Variants in KLF12 observed in about 807,000 individuals in gnomAD.
The protein encoded by KLF12 is Krueppel-like factor 12.
Under a neutral mutation model 37.8 loss-of-function variants are expected in KLF12, and 9 were observed. The observed-to-expected ratio is 0.24, with a 90% CI of 0.14 to 0.42. The LOEUF is 0.42. Ranked by LOEUF, KLF12 falls within the 10% of genes least tolerant of loss-of-function variation. The pLI is 1.00. For synonymous variants in KLF12, 208 were observed against 202.1 expected (o/e 1.03, Z -0.25); for missense variants, 411 against 516.0 (o/e 0.80, Z 1.97).
chr13:74,303,174 A>G, the KLF12 span, among the ~76,000 whole-genome samples: 1 of 152,048 alleles, frequency 6.6e-6, no homozygotes, highest in Non-Finnish European at 1.5e-5. Flanking sequence ...ATTCTTCAAG[A>G]CTTGATTTAA....
intron 2 of KLF12, among the ~76,000 whole-genome samples, chr13:73,977,170 T>C (rs1047351478): frequency 7.9e-5 from 12 of 151,626 alleles, no homozygotes; most frequent in African/African-American, 1.2e-4. Flanking sequence ...GCCTCCTGAA[T>C]AGCTGGGACT....
intron 6 of KLF12, among the ~76,000 whole-genome samples, chr13:73,727,381 AAAGG>A (rs1258158926): frequency 2.0e-5 from 3 of 152,178 alleles, no homozygotes; most frequent in Non-Finnish European, 4.4e-5. Flanking sequence ...ATGGTATAAG[AAAGG>A]AAGGAGTCCA....
At chr13:73,821,131 T>C (rs1435992506) in intron 4 of KLF12, among the ~76,000 whole-genome samples, 2 of 152,206 alleles carry the variant, frequency 1.3e-5, no homozygotes, top group African/African-American at 4.8e-5. Context: ...CTCTCTCTGG[T>C]TATCTATCCT....
At chr13:74,158,899 G>T in the KLF12 span, among the ~76,000 whole-genome samples, 3 of 152,220 alleles carry the variant, frequency 2.0e-5, no homozygotes, top group African/African-American at 7.2e-5. Context: ...CATCAATCAG[G>T]ATTTTAATTC....
At chr13:74,303,217 G>A in the KLF12 span, among the ~76,000 whole-genome samples, 1 of 152,098 alleles carries the variant, frequency 6.6e-6, no homozygotes, top group Non-Finnish European at 1.5e-5. Context: ...TATAGAAATG[G>A]TGCCTTTTTC....
the KLF12 span, among the ~76,000 whole-genome samples, chr13:74,143,300 T>A: frequency 6.6e-6 from 1 of 152,204 alleles, no homozygotes; most frequent in Admixed American, 6.5e-5. Context: ...TTTTATCCAG[T>A]TCACAAATTA....
At chr13:74,037,353 T>A (rs959564517) in intron 1 of KLF12, among the ~76,000 whole-genome samples, 19 of 152,160 alleles carry the variant, frequency 1.2e-4, no homozygotes, top group African/African-American at 4.6e-4. Flanking sequence ...CAACCCAGCC[T>A]GCAGTATGTC....
the KLF12 span, among the ~76,000 whole-genome samples, chr13:74,182,660 G>A: frequency 6.6e-6 from 1 of 152,130 alleles, no homozygotes; most frequent in Non-Finnish European, 1.5e-5. Context: ...TATTTTTGCT[G>A]GTTAAGAAAT....
intron 6 of KLF12, among the ~76,000 whole-genome samples, chr13:73,734,340 T>C: frequency 6.6e-6 from 1 of 152,108 alleles, no homozygotes; most frequent in East Asian, 1.9e-4. Flanking sequence ...TATGGTATAT[T>C]TATTTGTTCA....
intron 2 of KLF12, among the ~76,000 whole-genome samples, chr13:73,958,172 A>G (rs901500081): frequency 1.2e-4 from 19 of 152,214 alleles, no homozygotes; most frequent in African/African-American, 4.6e-4. Flanking sequence ...AATAGAATTT[A>G]GCATGTCTCA....
chr13:73,822,277 A>G (rs929485917), intron 4 of KLF12, among the ~76,000 whole-genome samples: 1 of 152,276 alleles, frequency 6.6e-6, no homozygotes, highest in Non-Finnish European at 1.5e-5. Flanking sequence ...GTTTGGGATG[A>G]CATGGGAATG....
chr13:74,071,502 C>G (rs1407613951), intron 1 of KLF12, among the ~76,000 whole-genome samples: 2 of 146,576 alleles, frequency 1.4e-5, no homozygotes, highest in East Asian at 4.1e-4. Flanking sequence ...CTGGCTAACA[C>G]AGTGAAACCC....
chr13:73,832,662 GT>G, intron 4 of KLF12, among the ~76,000 whole-genome samples: 1 of 152,276 alleles, frequency 6.6e-6, no homozygotes, highest in Admixed American at 6.5e-5. Context: ...CCAAATCTTT[GT>G]TTTATGGATG....
intron 4 of KLF12, among the ~76,000 whole-genome samples, chr13:73,820,793 C>A (rs985590071): frequency 6.6e-6 from 1 of 152,228 alleles, no homozygotes; most frequent in African/African-American, 2.4e-5. Context: ...AGTGCAAGGT[C>A]CACTTCTCAG....
intron 3 of KLF12, among the ~76,000 whole-genome samples, chr13:73,937,133 T>C (rs1259074571): frequency 6.6e-6 from 1 of 151,652 alleles, no homozygotes; most frequent in Admixed American, 6.6e-5. Flanking sequence ...GAGCTTGCAG[T>C]GAGCTGAGAT....
chr13:73,736,795 G>T (rs1457780728), intron 6 of KLF12, among the ~76,000 whole-genome samples: 1 of 152,114 alleles, frequency 6.6e-6, no homozygotes, highest in Admixed American at 6.6e-5. Context: ...TATTCAAAGG[G>T]CAGGTAAGGT....
At chr13:73,856,266 T>TA (rs1171622228) in intron 3 of KLF12, among the ~76,000 whole-genome samples, 1 of 152,128 alleles carries the variant, frequency 6.6e-6, no homozygotes, top group African/African-American at 2.4e-5. Flanking sequence ...AGGTGTGAGT[T>TA]ACAGTGACAC....
At position 73,774,233 on chromosome 13, in the gene KLF12, A is replaced by T. The variant is rs569411997; in HGVS notation, c.807-9233T>A. 5.1e-4 allele frequency among the ~76,000 whole-genome samples: 78 copies of T among 151,940 alleles called. No individual in the cohort carries two copies. The South Asian group carries it at 8.5e-3, about 17-fold the overall frequency. The stretch of plus-strand genomic sequence containing the variant: ...GCTGCAATAATTTGGAAAAATAAGT[A>T]AGTCAATATATGTGTGTGTATACAT... On this transcript the variant is annotated intron_variant, in intron 5 of 7. Transcript: ENST00000377669.
chr13:74,062,410 T>G (rs1055577393), intron 1 of KLF12, among the ~76,000 whole-genome samples: 128 of 152,208 alleles, frequency 8.4e-4, no homozygotes, highest in African/African-American at 2.3e-3. Context: ...TAAAACAGCA[T>G]CCTGTAGATG....
Sources: allele counts gnomAD v4.1 joint callset (sites outside exome capture counted in the v4.1 genomes callset), GRCh38; gene constraint gnomAD v4.1.1; transcripts MANE v1.5; gene names NCBI Gene and HGNC (gene_info 2026-07-23, HGNC 2026-07-21).